Variants in DMD observed in about 807,000 individuals in gnomAD.
The protein encoded by DMD is dystrophin.
In DMD, 63 loss-of-function variants were observed where a neutral mutation model predicts 330.1. That is an observed-to-expected ratio of 0.19 (90% CI 0.16 to 0.24). DMD has a LOEUF of 0.24. Among genes scored for constraint, DMD ranks in the 10% least tolerant of loss-of-function variants. The pLI, the probability that DMD is intolerant of heterozygous loss-of-function variation, is 1.00. For synonymous variants in DMD, 1,223 were observed against 959.8 expected (o/e 1.27, Z -5.07); for missense variants, 3,344 against 2,684.1 (o/e 1.25, Z -5.43).
Position 31,627,976 on chromosome X carries a change from G to T in DMD, c.8028-114C>A, listed in dbSNP as rs72466579. ...TAAATTGTAATATACCAACAATGGG[G>T]TGAGTTGTTGCTACAGCTCTTCCTT... is the stretch of plus-strand genomic sequence containing the variant. On this transcript the variant is annotated intron_variant, in intron 54 of 78. Coordinates refer to ENST00000357033, the MANE Select transcript of DMD (RefSeq NM_004006.3). The T allele has an allele frequency of 6.0e-3, 4,104 of 680,263 alleles. 29 individuals are homozygous for T. The highest frequency in any genetic ancestry group is 4.9e-3 in the Non-Finnish European group (2,163 of 438,745). 56.1% of individuals were successfully genotyped at this position (680,263 alleles called of 1,213,427 possible).
intron 60 of DMD, among the ~76,000 whole-genome samples, chrX:31,371,242 C>G (rs746912868): frequency 9.0e-6 from 1 of 111,034 alleles, no homozygotes; most frequent in Non-Finnish European, 1.9e-5. Flanking sequence ...ATTAAAAATG[C>G]TGAGATCTAG....
chrX:33,211,172 T>C, intron 1 of DMD, 110 bp downstream of exon 1: 1 of 947,177 alleles, frequency 1.1e-6, no homozygotes, highest in Middle Eastern at 3.2e-4. Context: ...CATTTATGCT[T>C]CTTTGCAAAC....
intron 50 of DMD, 70 bp downstream of exon 50, chrX:31,819,905 G>A (rs2092716117): frequency 2.3e-6 from 2 of 865,202 alleles, no homozygotes; most frequent in Admixed American, 2.2e-5. Flanking sequence ...CTCTCACCCA[G>A]TCATCACTTC....
intron 30 of DMD, among the ~76,000 whole-genome samples, chrX:32,393,362 G>T (rs1458550531): frequency 1.8e-5 from 2 of 111,366 alleles, no homozygotes; most frequent in African/African-American, 6.5e-5. Context: ...AATTTAACAA[G>T]AAATGTAGGT....
intron 63 of DMD, among the ~76,000 whole-genome samples, chrX:31,238,797 C>T (rs1402677855): frequency 9.0e-6 from 1 of 111,551 alleles, no homozygotes; most frequent in Non-Finnish European, 1.9e-5. Flanking sequence ...TCAGAAGAAC[C>T]ATGATACCGG....
At chrX:32,456,261 G>A (rs911885742) in intron 25 of DMD, among the ~76,000 whole-genome samples, 9 of 110,379 alleles carry the variant, frequency 8.2e-5, no homozygotes, top group East Asian at 2.9e-4. Flanking sequence ...TACTTACCTA[G>A]GTAAATGTAG....
chrX:32,265,175 C>T (rs939764118), intron 43 of DMD, among the ~76,000 whole-genome samples: 4 of 111,748 alleles, frequency 3.6e-5, no homozygotes, highest in South Asian at 7.4e-4. Context: ...GGGCCCAGAG[C>T]CCCCCTGCTA....
chrX:32,422,568 T>C (rs748663412), intron 29 of DMD, among the ~76,000 whole-genome samples: 2 of 111,878 alleles, frequency 1.8e-5, no homozygotes, highest in Non-Finnish European at 3.8e-5. Context: ...GGTCAGAATA[T>C]ACGAAACATA....
rs182112210 is a variant in DMD, at chrX:31,908,110, G to A, written c.6912+21486C>T. Among the ~76,000 whole-genome samples the A allele has an allele frequency of 6.3e-3, 709 of 112,303 alleles. 5 individuals are homozygous for A. The highest frequency in any genetic ancestry group is 0.011 in the Non-Finnish European group (576 of 53,247). On this transcript the variant is annotated intron_variant, in intron 47 of 78. Transcript: ENST00000357033. The stretch of plus-strand genomic sequence containing the variant: ...GGAGAAACAGGAACACTTTCACACC[G>A]TTGGTGGGACTGTAAACTAGTTCAA...
intron 2 of DMD, among the ~76,000 whole-genome samples, chrX:32,853,113 C>T (rs1188452133): frequency 8.9e-6 from 1 of 112,231 alleles, no homozygotes; most frequent in Non-Finnish European, 1.9e-5. Flanking sequence ...GATAGTGCAT[C>T]CAGTGAAAAT....
At chrX:32,950,134 C>T (rs778667107) in intron 2 of DMD, among the ~76,000 whole-genome samples, 1 of 110,440 alleles carries the variant, frequency 9.1e-6, no homozygotes, top group African/African-American at 3.3e-5. Context: ...GTAGTTGTGG[C>T]AACCTATGGG....
At chrX:32,784,553 T>C (rs1358472297) in intron 7 of DMD, among the ~76,000 whole-genome samples, 1 of 111,762 alleles carries the variant, frequency 8.9e-6, no homozygotes, top group Admixed American at 9.5e-5. Context: ...CTCAAAATAG[T>C]GGTGGACTTT....
At chrX:32,735,399 G>A (rs900229485) in intron 7 of DMD, among the ~76,000 whole-genome samples, 1 of 110,723 alleles carries the variant, frequency 9.0e-6, no homozygotes, top group Non-Finnish European at 1.9e-5. Context: ...TTTCTTCACA[G>A]AATTGGAAAA....
Position 32,390,113 on chromosome X carries a change from C to G in DMD, c.4302G>C (p.Lys1434Asn), listed in dbSNP as rs749556197. Residue 1434 changes from lysine to asparagine, a missense_variant, in exon 31 of 79, where the codon AAG becomes AAC. Coordinates refer to ENST00000357033, the MANE Select transcript of DMD (RefSeq NM_004006.3). Reference protein sequence around the residue: ...LEEMKKHNQGKEAAQRVLSQI... With the variant: ...LEEMKKHNQGNEAAQRVLSQI... ...GAGACAGGACTCTTTGGGCAGCCTC[C>G]TTCCCCTGATTATGTTTCTTCATTT... The G allele has an allele frequency of 1.2e-5, 14 of 1,208,863 alleles. No individual in the cohort carries two copies. The highest frequency in any genetic ancestry group is 1.6e-5 in the Non-Finnish European group (14 of 894,249).
chrX:32,198,728 A>G (rs1158803680), intron 44 of DMD, among the ~76,000 whole-genome samples: 2 of 112,101 alleles, frequency 1.8e-5, no homozygotes, highest in Admixed American at 9.5e-5. Context: ...CATGAAAATT[A>G]TGTTTCTTCA....
chrX:32,660,424 G>A (rs940631355), intron 9 of DMD, among the ~76,000 whole-genome samples: 3 of 111,038 alleles, frequency 2.7e-5, no homozygotes, highest in African/African-American at 3.3e-5. Flanking sequence ...GAAAGTAAAC[G>A]TCCTAAAGTC....
intron 44 of DMD, among the ~76,000 whole-genome samples, chrX:32,187,754 A>T (rs997544694): frequency 9.0e-6 from 1 of 111,332 alleles, no homozygotes; most frequent in African/African-American, 3.2e-5. Flanking sequence ...TAATTTTTTA[A>T]ACCAAAACCA....
chrX:32,710,902 G>C (rs2065129439), intron 7 of DMD, among the ~76,000 whole-genome samples: 1 of 111,006 alleles, frequency 9.0e-6, no homozygotes, highest in Admixed American at 9.6e-5. Flanking sequence ...TTTAAGCTCA[G>C]ATATATGAGA....
intron 17 of DMD, among the ~76,000 whole-genome samples, chrX:32,538,464 G>T (rs373598940): frequency 5.5e-5 from 6 of 108,873 alleles, no homozygotes. Context: ...CCTATAAAAC[G>T]GCCCCACCCC....
Sources: allele counts gnomAD v4.1 joint callset (sites outside exome capture counted in the v4.1 genomes callset), GRCh38; gene constraint gnomAD v4.1.1; transcripts MANE v1.5; gene names NCBI Gene and HGNC (gene_info 2026-07-23, HGNC 2026-07-21).